HHLA1: variants seen among roughly 807,000 people sequenced by gnomAD.
The protein encoded by HHLA1 is HERV-H LTR-associating protein 1.
A neutral mutation model predicts 69.9 loss-of-function variants in HHLA1; 72 were observed. The ratio of observed to expected loss-of-function variants is 1.03; its 90% CI spans 0.85 to 1.25. The LOEUF is 1.25. HHLA1 is among the 50% of genes most tolerant of loss of function. HHLA1 has a pLI of 0.00. For synonymous variants in HHLA1, 252 were observed against 233.2 expected, an observed-to-expected ratio of 1.08 and a Z score of -0.73; for missense variants, 685 against 642.2, an observed-to-expected ratio of 1.07 and a Z score of -0.72.
chr8:132,070,644 A>C (rs547806591), intron 15 of HHLA1, among the ~76,000 whole-genome samples: 1 of 152,006 alleles, frequency 6.6e-6, no homozygotes, highest in East Asian at 1.9e-4. Flanking sequence ...AACTCATTAC[A>C]CCTCAACTCA....
At chr8:132,106,482 A>T (rs1362750251) in intron 1 of HHLA1, among the ~76,000 whole-genome samples, 1 of 152,254 alleles carries the variant, frequency 6.6e-6, no homozygotes, top group East Asian at 1.9e-4. Context: ...ACCTATTCTC[A>T]TAAGTCTGGT....
At chr8:132,110,524 T>C (rs757322686) in intron 1 of HHLA1, among the ~76,000 whole-genome samples, 4 of 152,226 alleles carry the variant, frequency 2.6e-5, no homozygotes, top group Non-Finnish European at 4.4e-5. Flanking sequence ...GTTTTACATA[T>C]AGTAACCCAT....
chr8:132,095,879 C>A, intron 5 of HHLA1, 93 bp from the exon 6 acceptor site: 3 of 627,888 alleles, frequency 4.8e-6, no homozygotes, highest in Non-Finnish European at 7.8e-6. Flanking sequence ...TTAACAATGC[C>A]AATAAAGAAA....
Position 132,076,484 on chromosome 8 carries a change from GATATC to G in HHLA1, c.1226_1230del (p.Arg409ThrfsTer5), listed in dbSNP as rs1823645043. On this transcript the variant is annotated frameshift_variant, in exon 13 of 17. Transcript: ENST00000414222. LOFTEE classifies it high-confidence loss of function. ...GTACTGAGTTTCTCACCTGTTTGTG[GATATC>G]TGGGGGCTGTTGCCTTGGTTGGACT... 10 of 1,542,436 alleles carry G rather than the reference GATATC, an allele frequency of 6.5e-6. No individual in the cohort carries two copies. The Admixed American group carries it at 1.4e-4, about 22-fold the overall frequency.
intron 12 of HHLA1, among the ~76,000 whole-genome samples, chr8:132,076,864 A>C (rs766001471): frequency 6.6e-6 from 1 of 152,130 alleles, no homozygotes; most frequent in Non-Finnish European, 1.5e-5. Flanking sequence ...ATCCAGGGCA[A>C]AGAAAAAATG....
intron 1 of HHLA1, among the ~76,000 whole-genome samples, chr8:132,106,301 C>T (rs948447313): frequency 5.3e-5 from 8 of 152,178 alleles, no homozygotes; most frequent in African/African-American, 1.9e-4. Context: ...TTGAGAAGTT[C>T]TGCTGTCCAT....
chr8:132,072,040 G>C (rs1823555252), intron 14 of HHLA1, among the ~76,000 whole-genome samples: 1 of 152,248 alleles, frequency 6.6e-6, no homozygotes, highest in Middle Eastern at 3.4e-3. Context: ...AGGAGAGAAA[G>C]AAGGGCAGGT....
rs974115310 is a variant in HHLA1 at position 132,068,954 on chromosome 8, A to T, written c.1469+2386T>A. Among the ~76,000 whole-genome samples the T allele has an allele frequency of 2.0e-5, 3 of 152,228 alleles. No individual in the cohort carries two copies. In the South Asian group the frequency reaches 6.2e-4, roughly 32 times the overall value. On this transcript the variant is annotated intron_variant, in intron 15 of 16. Coordinates refer to ENST00000414222, the MANE Select transcript of HHLA1 (RefSeq NM_001145095.3). ...AAATGGACAGGATTTAGAGGGCTGC[A>T]CTTCAATAATTCTGTATGTTTTATT...
At chr8:132,107,884 T>C (rs558850317) in intron 1 of HHLA1, among the ~76,000 whole-genome samples, 2 of 152,318 alleles carry the variant, frequency 1.3e-5, no homozygotes, top group East Asian at 3.9e-4. Flanking sequence ...AGACTTCACC[T>C]GACAGTAAAA....
intron 11 of HHLA1, among the ~76,000 whole-genome samples, chr8:132,079,269 A>C (rs1475433923): frequency 2.0e-5 from 3 of 152,226 alleles, no homozygotes; most frequent in East Asian, 3.9e-4. Context: ...CTACAGACTG[A>C]CCTAACCATG....
chr8:132,105,704 A>G (rs749759710), intron 1 of HHLA1, among the ~76,000 whole-genome samples: 4 of 152,228 alleles, frequency 2.6e-5, no homozygotes, highest in Non-Finnish European at 5.9e-5. Flanking sequence ...CTTGCAGCCC[A>G]TACCAAAATT....
At chr8:132,088,065 T>A (rs1586730861) in intron 8 of HHLA1, among the ~76,000 whole-genome samples, 164 bp from the exon 9 acceptor site, 2 of 152,248 alleles carry the variant, frequency 1.3e-5, no homozygotes, top group African/African-American at 4.8e-5. Context: ...ATTTCTTTAT[T>A]TTATTTGGCT....
rs1192412428 is a variant in HHLA1 at position 132,071,474 on chromosome 8, G to C, written c.1335C>G (p.Phe445Leu). 8 of 1,551,554 alleles carry C rather than the reference G, an allele frequency of 5.2e-6. No individual in the cohort carries two copies. The highest frequency in any genetic ancestry group is 7.0e-6 in the Non-Finnish European group (8 of 1,146,906). The change falls in exon 15 of 17, where the codon TTC becomes TTG. Residue 445 changes from phenylalanine to leucine, a missense_variant. Coordinates refer to ENST00000414222, the MANE Select transcript of HHLA1 (RefSeq NM_001145095.3). The stretch of plus-strand genomic sequence containing the variant: ...GAGCAGCTGCCATAGCTCCCACCTT[G>C]AAGAGTGGCTGAGGACACCCTAGAA... ...HQVSRCPQPL[F>L]KVGAMAAAPL...
At chr8:132,080,129 T>G (rs1218293258) in intron 10 of HHLA1, 163 bp from the exon 11 acceptor site, 5 of 966,002 alleles carry the variant, frequency 5.2e-6, no homozygotes, top group Non-Finnish European at 6.4e-6. Context: ...TTCTGACCCC[T>G]GTCAGAGCCT....
intron 15 of HHLA1, among the ~76,000 whole-genome samples, chr8:132,070,838 C>A (rs150649968): frequency 1.6e-4 from 24 of 152,104 alleles, no homozygotes; most frequent in African/African-American, 5.5e-4. Context: ...CAACTTAATA[C>A]AACTCAAGTC....
chr8:132,062,112 CA>C lies in HHLA1; in HGVS notation c.*1882del, dbSNP rs1331694223. 3 of 152,172 alleles carry C rather than the reference CA, an allele frequency of 2.0e-5. No individual in the cohort carries two copies. 9.4% of individuals were successfully genotyped at this position (152,172 alleles called of 1,614,324 possible). The stretch of plus-strand genomic sequence containing the variant: ...CAAAGGTCCTTAATTAATATCCACG[CA>C]AGGGTTGAATCAAATTAATCCATGC... On this transcript the variant is annotated 3_prime_UTR_variant, in exon 17 of 17. Coordinates refer to ENST00000414222, the MANE Select transcript of HHLA1 (RefSeq NM_001145095.3).
chr8:132,098,821 GA>G, intron 5 of HHLA1, 60 bp downstream of exon 5: 1 of 1,084,414 alleles, frequency 9.2e-7, no homozygotes, highest in Non-Finnish European at 1.4e-6. Flanking sequence ...GAAAGGTTCA[GA>G]AAAGACACTG....
At chr8:132,089,762 T>C (rs4736401) in intron 7 of HHLA1, among the ~76,000 whole-genome samples, 163 bp from the exon 8 acceptor site, 140,250 of 152,320 alleles carry the variant, frequency 0.92, 64,728 homozygotes, top group Middle Eastern at 0.96. Flanking sequence ...TTCTAAAAAA[T>C]GAAAAGTCTT....
chr8:132,069,343 T>C (rs1013735470), intron 15 of HHLA1, among the ~76,000 whole-genome samples: 3 of 152,088 alleles, frequency 2.0e-5, no homozygotes, highest in Non-Finnish European at 2.9e-5. Flanking sequence ...CATTGCCAAC[T>C]TTCCCACCAG....
Sources: gnomAD v4.1 joint callset for allele counts (sites outside exome capture counted in the v4.1 genomes callset) on GRCh38, gnomAD v4.1.1 for gene constraint, MANE v1.5 for transcripts, NCBI Gene and HGNC (gene_info 2026-07-23, HGNC 2026-07-21) for gene names.